MYO3B: variants seen among roughly 807,000 people sequenced by gnomAD.
The protein encoded by MYO3B is myosin-IIIb.
A neutral mutation model predicts 174.6 loss-of-function variants in MYO3B; 156 were observed. The observed-to-expected ratio is 0.89, with a 90% CI of 0.78 to 1.02. MYO3B has a LOEUF of 1.02. Among genes scored for constraint, MYO3B ranks in the 50% least tolerant of loss-of-function variants. MYO3B has a pLI of 0.00. For missense variants in MYO3B, 1,632 were observed against 1,639.4 expected, an observed-to-expected ratio of 1.00 and a Z score of 0.08; for synonymous variants, 563 against 569.1, an observed-to-expected ratio of 0.99 and a Z score of 0.15.
At chr2:170,187,721 T>C (rs571463794) in intron 1 of MYO3B, among the ~76,000 whole-genome samples, 1 of 152,322 alleles carries the variant, frequency 6.6e-6, no homozygotes, top group Non-Finnish European at 1.5e-5. Flanking sequence ...AATTTCTTCA[T>C]TGACCCACTG....
chr2:170,534,720 A>G (rs2106181744), intron 30 of MYO3B, among the ~76,000 whole-genome samples: 1 of 152,312 alleles, frequency 6.6e-6, no homozygotes, highest in South Asian at 2.1e-4. Flanking sequence ...GAGTACAGGC[A>G]TGAGCCACCC....
rs1321765928 is a variant in MYO3B, at chr2:170,463,365, C to A, written c.2731-3C>A. 1 of 1,612,892 alleles carries A rather than the reference C, an allele frequency of 6.2e-7. No homozygotes were observed. Among genetic ancestry groups the A allele is most frequent in the East Asian group, 2.2e-5 (1 of 44,902 alleles). On this transcript the variant is annotated splice_region_variant and splice_polypyrimidine_tract_variant and intron_variant, in intron 23 of 34. Coordinates refer to ENST00000408978, the MANE Select transcript of MYO3B (RefSeq NM_138995.5). ...AACCACTTGCCTCCACCTATGCTTC[C>A]AGGTGGACACTCTGGAGGTGATACG... is the stretch of plus-strand genomic sequence containing the variant.
At chr2:170,439,516 C>T (rs1490498428) in intron 22 of MYO3B, among the ~76,000 whole-genome samples, 1 of 152,100 alleles carries the variant, frequency 6.6e-6, no homozygotes, top group African/African-American at 2.4e-5. Flanking sequence ...CTTATCTCTA[C>T]AATTCGTTGA....
chr2:170,278,090 A>G (rs115893257), intron 7 of MYO3B, among the ~76,000 whole-genome samples: 231 of 152,300 alleles, frequency 1.5e-3, no homozygotes, highest in African/African-American at 5.1e-3. Flanking sequence ...CTGCAGTACT[A>G]AGCTTTTTGC....
intron 30 of MYO3B, among the ~76,000 whole-genome samples, chr2:170,541,354 A>G (rs773174272): frequency 2.0e-5 from 3 of 152,180 alleles, no homozygotes; most frequent in Admixed American, 6.5e-5. Context: ...GCCAATGCTT[A>G]GATACTGAAG....
At chr2:170,309,552 T>C (rs921116463) in intron 7 of MYO3B, among the ~76,000 whole-genome samples, 2 of 152,198 alleles carry the variant, frequency 1.3e-5, no homozygotes, top group African/African-American at 4.8e-5. Flanking sequence ...TTGTGGTATT[T>C]ACACTTCATG....
chr2:170,212,567 A>T (rs2092783307), intron 3 of MYO3B, among the ~76,000 whole-genome samples: 1 of 152,146 alleles, frequency 6.6e-6, no homozygotes, highest in African/African-American at 2.4e-5. Context: ...GGTTTTTGTC[A>T]CTTGACCAGG....
At chr2:170,314,674 T>C (rs528370085) in intron 7 of MYO3B, among the ~76,000 whole-genome samples, 1 of 152,334 alleles carries the variant, frequency 6.6e-6, no homozygotes, top group African/African-American at 2.4e-5. Flanking sequence ...AAGAACTATG[T>C]ATTTTAAACT....
intron 7 of MYO3B, among the ~76,000 whole-genome samples, chr2:170,276,028 C>G (rs2093461696): frequency 6.6e-6 from 1 of 152,174 alleles, no homozygotes; most frequent in South Asian, 2.1e-4. Context: ...TACTTCTGTA[C>G]TTTTCCATGA....
intron 22 of MYO3B, among the ~76,000 whole-genome samples, chr2:170,427,595 A>G (rs1466854249): frequency 6.6e-6 from 1 of 152,180 alleles, no homozygotes; most frequent in African/African-American, 2.4e-5. Context: ...AATGCTGGCC[A>G]ATTGGGCACA....
intron 1 of MYO3B, among the ~76,000 whole-genome samples, chr2:170,195,341 A>C (rs1034095085): frequency 6.6e-6 from 1 of 152,086 alleles, no homozygotes; most frequent in Non-Finnish European, 1.5e-5. Flanking sequence ...TGAGAAGAAC[A>C]GAAGAACGGC....
chr2:170,430,107 G>T (rs1301344352), intron 22 of MYO3B, among the ~76,000 whole-genome samples: 1 of 151,506 alleles, frequency 6.6e-6, no homozygotes, highest in East Asian at 1.9e-4. Context: ...ATATATGTGG[G>T]TTCTTCAGGG....
intron 14 of MYO3B, among the ~76,000 whole-genome samples, chr2:170,388,168 C>T (rs1222489203): frequency 6.6e-6 from 1 of 152,072 alleles, no homozygotes; most frequent in South Asian, 2.1e-4. Flanking sequence ...TGCTGTTTGC[C>T]AGTGCTGTGC....
intron 32 of MYO3B, among the ~76,000 whole-genome samples, chr2:170,590,339 A>G (rs1195567862): frequency 2.6e-5 from 4 of 152,196 alleles, no homozygotes; most frequent in Non-Finnish European, 4.4e-5. Context: ...TTCTCCTTAT[A>G]GTACAAGAGT....
chr2:170,272,475 T>C (rs1241824693), intron 7 of MYO3B, among the ~76,000 whole-genome samples: 1 of 152,174 alleles, frequency 6.6e-6, no homozygotes, highest in Admixed American at 6.5e-5. Context: ...AGTGGAATAC[T>C]CAACACTCTA....
In MYO3B at chr2:170,236,077, G is replaced by C; in HGVS notation, c.690G>C (p.Gly230=). The change falls in exon 7 of 35, where the codon GGG becomes GGC. Residue 230 remains glycine (G), a synonymous_variant. Coordinates refer to ENST00000408978, the MANE Select transcript of MYO3B (RefSeq NM_138995.5). ...WSLGITAIEL[G]DGDPPLFDMH... is the part of the protein sequence containing the mutation. ...TGGGGATCACAGCTATTGAACTGGGGGATGGAGACCCTCCCCTCTTTGACA... is the reference window on the plus strand; with the variant it reads ...TGGGGATCACAGCTATTGAACTGGGCGATGGAGACCCTCCCCTCTTTGACA... 1 of 1,614,050 alleles carries C rather than the reference G, an allele frequency of 6.2e-7. No individual in the cohort carries two copies. The highest frequency in any genetic ancestry group is 8.5e-7 in the Non-Finnish European group (1 of 1,180,010).
rs2105753762 is a variant in MYO3B at position 170,387,210 on chromosome 2, A to G, written c.1479A>G (p.Gly493=). ...TCAATGACAACTCGAGCCGTTTTGG[A>G]AAATATCTGGAAATGATGTTTACAC... is the stretch of plus-strand genomic sequence containing the variant. The part of the protein sequence containing the change: ...TAINDNSSRF[G]KYLEMMFTPT... The change falls in exon 14 of 35, where the codon GGA becomes GGG. Residue 493 remains glycine (G), a synonymous_variant. Coordinates refer to ENST00000408978, the MANE Select transcript of MYO3B (RefSeq NM_138995.5). 1 of 1,614,140 alleles carries G rather than the reference A, an allele frequency of 6.2e-7. No homozygotes were observed. Among genetic ancestry groups the G allele is most frequent in the African/African-American group, 1.3e-5 (1 of 75,056 alleles).
chr2:170,622,844 G>T (rs10178451), intron 32 of MYO3B, among the ~76,000 whole-genome samples: 118,289 of 151,500 alleles, frequency 0.78, 46,287 homozygotes, highest in Admixed American at 0.83. Context: ...GTCCTTGTGA[G>T]GGTTTGCTCA....
At chr2:170,463,226 C>A in intron 23 of MYO3B, 142 bp from the exon 24 acceptor site, 1 of 582,096 alleles carries the variant, frequency 1.7e-6, no homozygotes, top group Non-Finnish European at 3.1e-6. Flanking sequence ...TTGAAAAATT[C>A]TCCCCACAGT....
Sources: gnomAD v4.1 joint callset for allele counts (sites outside exome capture counted in the v4.1 genomes callset) on GRCh38, gnomAD v4.1.1 for gene constraint, MANE v1.5 for transcripts, NCBI Gene and HGNC (gene_info 2026-07-23, HGNC 2026-07-21) for gene names.